EPB41L2: variants seen among roughly 807,000 people sequenced by gnomAD.
The protein encoded by EPB41L2 is erythrocyte membrane protein band 4.1 like 2, also known as band 4.1-like protein 2.
Under a neutral mutation model 113.0 loss-of-function variants are expected in EPB41L2, and 43 were observed. The observed-to-expected ratio is 0.38, with a 90% CI of 0.30 to 0.49. The LOEUF (loss-of-function observed/expected upper bound fraction) is 0.49. EPB41L2 is among the 20% of genes least tolerant of loss of function. The pLI, the probability that EPB41L2 is intolerant of heterozygous loss-of-function variation, is 0.95. For missense variants in EPB41L2, 1,147 were observed against 1,223.4 expected, an observed-to-expected ratio of 0.94 and a Z score of 0.93; for synonymous variants, 442 against 436.7, an observed-to-expected ratio of 1.01 and a Z score of -0.15.
intron 1 of EPB41L2, among the ~76,000 whole-genome samples, chr6:130,957,423 C>G (rs892571997): frequency 2.6e-5 from 4 of 152,204 alleles, no homozygotes; most frequent in Non-Finnish European, 5.9e-5. Flanking sequence ...CACATTCGCT[C>G]TCCCCTCCCT....
At chr6:130,998,493 G>T (rs1019202457) in intron 1 of EPB41L2, among the ~76,000 whole-genome samples, 2 of 152,182 alleles carry the variant, frequency 1.3e-5, no homozygotes, top group Admixed American at 1.3e-4. Context: ...AATGATGAGA[G>T]TTAGGATTAA....
chr6:130,941,102 A>G (rs1034042937), intron 3 of EPB41L2, among the ~76,000 whole-genome samples: 2 of 152,232 alleles, frequency 1.3e-5, no homozygotes, highest in African/African-American at 2.4e-5. Flanking sequence ...TTCTGAACAC[A>G]TAGGATATAT....
intron 3 of EPB41L2, among the ~76,000 whole-genome samples, chr6:130,929,259 A>T (rs187944134): frequency 6.6e-6 from 1 of 152,370 alleles, no homozygotes; most frequent in Admixed American, 6.5e-5. Context: ...CGCCAAGAAT[A>T]TGATATCTGA....
At chr6:130,948,358 T>A (rs1813644179) in intron 3 of EPB41L2, among the ~76,000 whole-genome samples, 1 of 152,166 alleles carries the variant, frequency 6.6e-6, no homozygotes, top group Non-Finnish European at 1.5e-5. Flanking sequence ...TTGTTGTTTT[T>A]GTATCATTCC....
intron 19 of EPB41L2, among the ~76,000 whole-genome samples, chr6:130,849,532 G>T (rs1391670556): frequency 1.3e-5 from 2 of 152,098 alleles, no homozygotes; most frequent in Admixed American, 6.6e-5. Flanking sequence ...AAAACTGAGG[G>T]ATAATTTAAA....
At chr6:130,949,630 G>A (rs1562562772) in intron 3 of EPB41L2, among the ~76,000 whole-genome samples, 4 of 151,798 alleles carry the variant, frequency 2.6e-5, no homozygotes, top group South Asian at 2.1e-4. Flanking sequence ...GAGAGTGGAG[G>A]AGAGGGGAGA....
chr6:130,930,752 G>T (rs1447462417), intron 3 of EPB41L2, among the ~76,000 whole-genome samples: 1 of 151,798 alleles, frequency 6.6e-6, no homozygotes, highest in African/African-American at 2.4e-5. Flanking sequence ...ATTATTGAGA[G>T]ACACAGTATC....
At chr6:131,001,322 G>A (rs1233995704) in intron 1 of EPB41L2, among the ~76,000 whole-genome samples, 1 of 151,980 alleles carries the variant, frequency 6.6e-6, no homozygotes, top group Non-Finnish European at 1.5e-5. Flanking sequence ...AGAGGGCAAG[G>A]GAAAGAGAAA....
chr6:131,021,548 C>A (rs140429078), intron 1 of EPB41L2, among the ~76,000 whole-genome samples: 2 of 152,086 alleles, frequency 1.3e-5, no homozygotes, highest in African/African-American at 4.8e-5. Flanking sequence ...GTAATCCCAG[C>A]TACTCAGGAG....
At chr6:130,992,775 G>A (rs1345730861) in intron 1 of EPB41L2, among the ~76,000 whole-genome samples, 1 of 151,638 alleles carries the variant, frequency 6.6e-6, no homozygotes, top group African/African-American at 2.4e-5. Flanking sequence ...GCACTACAGG[G>A]CCACCACGCC....
At position 130,858,240 on chromosome 6, in the gene EPB41L2, G is replaced by T; in HGVS notation, c.2914C>A (p.Leu972Met). 1 of 1,611,156 alleles carries T rather than the reference G, an allele frequency of 6.2e-7. No individual in the cohort carries two copies. Among genetic ancestry groups the T allele is most frequent in the Non-Finnish European group, 8.5e-7 (1 of 1,178,522 alleles). Reference sequence around the variant, plus strand: ...CTGGCTTCCCTGATCGCCTGAGCCAGTGCCTGCCAGGGTCAGGACAGAGAA... The same window carrying T: ...CTGGCTTCCCTGATCGCCTGAGCCATTGCCTGCCAGGGTCAGGACAGAGAA... Reference protein sequence around the residue: ...GDGDIDHDQALAQAIREAREQ... With the variant: ...GDGDIDHDQAMAQAIREAREQ... The change falls in exon 19 of 20, where the codon CTG becomes ATG. Residue 972 changes from leucine to methionine, a missense_variant. Coordinates refer to ENST00000337057, the MANE Select transcript of EPB41L2 (RefSeq NM_001431.4).
intron 1 of EPB41L2, among the ~76,000 whole-genome samples, chr6:131,043,275 T>C (rs62422365): frequency 0.27 from 41,754 of 151,878 alleles, 6,979 homozygotes; most frequent in Non-Finnish European, 0.37. Flanking sequence ...CACTCCAGCC[T>C]GGGTGACAGA....
intron 3 of EPB41L2, among the ~76,000 whole-genome samples, chr6:130,954,036 C>CTTTTTTTTTTTTT (rs1816328530): frequency 1.8e-4 from 8 of 45,514 alleles, no homozygotes; most frequent in African/African-American, 4.1e-4. Context: ...TAGTCCTTTT[C>CTTTTTTTTTTTTT]TTTCTTTTTT....
intron 1 of EPB41L2, among the ~76,000 whole-genome samples, chr6:130,973,921 T>C (rs1444705420): frequency 2.0e-5 from 3 of 152,170 alleles, no homozygotes; most frequent in Non-Finnish European, 2.9e-5. Flanking sequence ...CTCCATGTAA[T>C]CCAGAAATGT....
chr6:130,856,199 G>A (rs548421509), intron 19 of EPB41L2, among the ~76,000 whole-genome samples: 1 of 152,196 alleles, frequency 6.6e-6, no homozygotes, highest in African/African-American at 2.4e-5. Flanking sequence ...TCACCTAGGG[G>A]TATGGAAAAA....
intron 15 of EPB41L2, chr6:130,868,718 T>C (rs1007872962): frequency 6.6e-6 from 1 of 152,180 alleles, no homozygotes; most frequent in African/African-American, 2.4e-5. Context: ...TCAAGAAATA[T>C]TCCCAAGGAA....
intron 1 of EPB41L2, among the ~76,000 whole-genome samples, chr6:130,956,807 C>T (rs539608488): frequency 6.6e-6 from 1 of 152,244 alleles, no homozygotes; most frequent in South Asian, 2.1e-4. Context: ...TATTTGGTTT[C>T]AACTTGTTAT....
intron 1 of EPB41L2, among the ~76,000 whole-genome samples, chr6:130,966,610 T>A (rs2048491274): frequency 6.6e-6 from 1 of 151,854 alleles, no homozygotes; most frequent in South Asian, 2.1e-4. Context: ...GAATGGAGGG[T>A]GGTGCTGGGT....
intron 3 of EPB41L2, among the ~76,000 whole-genome samples, chr6:130,927,947 G>A (rs1365352761): frequency 6.6e-6 from 1 of 152,004 alleles, no homozygotes; most frequent in Admixed American, 6.6e-5. Context: ...ACAAACGTTA[G>A]CCAGGTGTGG....
Sources: gnomAD v4.1 joint callset for allele counts (sites outside exome capture counted in the v4.1 genomes callset) on GRCh38, gnomAD v4.1.1 for gene constraint, MANE v1.5 for transcripts, NCBI Gene and HGNC (gene_info 2026-07-23, HGNC 2026-07-21) for gene names.